Variants in ZRANB3 observed in about 807,000 individuals in gnomAD.
ZRANB3 encodes the protein zinc finger RANBP2-type containing 3, also known as DNA annealing helicase and endonuclease ZRANB3.
ZRANB3 carries 125 observed loss-of-function variants against 133.8 expected under a neutral mutation model. The observed-to-expected ratio is 0.93, with a 90% CI of 0.81 to 1.08. The LOEUF (loss-of-function observed/expected upper bound fraction) is 1.08, where lower values mean the gene tolerates loss of function less well. ZRANB3 is among the 50% of genes least tolerant of loss of function. The pLI is 0.00. For synonymous variants in ZRANB3, 387 were observed against 432.7 expected (o/e 0.89, Z 1.31); for missense variants, 1,229 against 1,275.5 (o/e 0.96, Z 0.56).
chr2:135,416,165 G>A (rs13382972), intron 2 of ZRANB3, among the ~76,000 whole-genome samples: 38,935 of 150,356 alleles, frequency 0.26, 8,488 homozygotes, highest in African/African-American at 0.59. Context: ...AGGAAGTCAA[G>A]TTGTCCCTGT....
intron 2 of ZRANB3, among the ~76,000 whole-genome samples, chr2:135,488,249 T>C (rs1692209765): frequency 6.6e-6 from 1 of 152,168 alleles, no homozygotes. Context: ...ATTATAATAG[T>C]AAACTCAAAG....
chr2:135,479,219 CA>C (rs1691647311), intron 2 of ZRANB3, among the ~76,000 whole-genome samples: 1 of 152,030 alleles, frequency 6.6e-6, no homozygotes, highest in South Asian at 2.1e-4. Flanking sequence ...TTCACCAACG[CA>C]ACTTAATTTT....
intron 2 of ZRANB3, among the ~76,000 whole-genome samples, chr2:135,420,071 T>A (rs1239068558): frequency 7.1e-6 from 1 of 140,094 alleles, no homozygotes; most frequent in Non-Finnish European, 1.5e-5. Flanking sequence ...TTACGTAAGA[T>A]ACATATATAT....
intron 18 of ZRANB3, 104 bp from the exon 19 acceptor site, chr2:135,207,940 A>T (rs1170096054): frequency 9.1e-7 from 1 of 1,101,942 alleles, no homozygotes; most frequent in African/African-American, 1.6e-5. Flanking sequence ...ATAAATAGTA[A>T]ACACAGATCA....
At chr2:135,416,648 C>A (rs1268573453) in intron 2 of ZRANB3, among the ~76,000 whole-genome samples, 1 of 150,166 alleles carries the variant, frequency 6.7e-6, no homozygotes, top group South Asian at 2.1e-4. Context: ...CCCGCATCGC[C>A]AAGTCAATCC....
chr2:135,466,411 TAGA>T lies in ZRANB3; in HGVS notation c.161+37915_161+37917del, dbSNP rs1351565400. ...AAAAAAAAAAAAAAAAAAAAAAAAA[TAGA>T]AGAAGAAGAATAGATGAATAAACTA... On this transcript the variant is annotated intron_variant, in intron 2 of 20. Coordinates refer to ENST00000264159, the MANE Select transcript of ZRANB3 (RefSeq NM_032143.4). Among the ~76,000 whole-genome samples the T allele has an allele frequency of 1.7e-3, 154 of 89,926 alleles. 1 individual carries two copies. The highest frequency in any genetic ancestry group is 4.3e-3 in the African/African-American group (95 of 22,274). The allele number at this position is 89,926 out of a possible 152,430, so 59.0% of individuals were successfully genotyped here. A position where few individuals can be genotyped will look rare whatever the true frequency, so the allele number is the denominator to read the frequency against.
At chr2:135,479,824 A>G (rs1207419831) in intron 2 of ZRANB3, among the ~76,000 whole-genome samples, 1 of 152,202 alleles carries the variant, frequency 6.6e-6, no homozygotes, top group African/African-American at 2.4e-5. Context: ...ACTATTCAGA[A>G]TGCCAAGATA....
rs569438332 is a variant in ZRANB3 at position 135,381,785 on chromosome 2, G to A, written c.180+9017C>T. 1.8e-4 allele frequency among the ~76,000 whole-genome samples: 27 copies of A among 152,314 alleles called. No homozygotes were observed. In the South Asian group the frequency reaches 5.4e-3, roughly 30 times the overall value. On this transcript the variant is annotated intron_variant, in intron 3 of 20. Coordinates refer to ENST00000264159, the MANE Select transcript of ZRANB3 (RefSeq NM_032143.4). Reference sequence around the variant, plus strand: ...CAACAGACCTGCAGCTGAGGGTCCTGACTGTTAGAAGGAAAACTAACAAAC... The same window carrying A: ...CAACAGACCTGCAGCTGAGGGTCCTAACTGTTAGAAGGAAAACTAACAAAC...
intron 1 of ZRANB3, among the ~76,000 whole-genome samples, chr2:135,523,046 T>C (rs991701136): frequency 2.0e-5 from 3 of 152,186 alleles, no homozygotes; most frequent in African/African-American, 4.8e-5. Context: ...ATTTTGGATA[T>C]CTCCAATATC....
At chr2:135,298,137 A>G (rs1682238318) in intron 8 of ZRANB3, among the ~76,000 whole-genome samples, 1 of 152,154 alleles carries the variant, frequency 6.6e-6, no homozygotes, top group African/African-American at 2.4e-5. Flanking sequence ...CTGAGGCATG[A>G]TAATTGCTTG....
intron 15 of ZRANB3, among the ~76,000 whole-genome samples, chr2:135,221,925 C>T (rs1694570909): frequency 6.6e-6 from 1 of 152,090 alleles, no homozygotes; most frequent in Admixed American, 6.5e-5. Flanking sequence ...AAAATCCTAG[C>T]CATCTCCTCC....
intron 12 of ZRANB3, among the ~76,000 whole-genome samples, chr2:135,246,443 T>G (rs939497372): frequency 1.3e-5 from 2 of 152,192 alleles, no homozygotes; most frequent in Non-Finnish European, 1.5e-5. Flanking sequence ...TGTTAGTAGA[T>G]TCACTGATTA....
chr2:135,404,714 T>A (rs969749098), intron 2 of ZRANB3, among the ~76,000 whole-genome samples: 11 of 152,136 alleles, frequency 7.2e-5, no homozygotes, highest in Non-Finnish European at 1.5e-4. Context: ...AGGTGGGGGT[T>A]ACCCACAAAG....
chr2:135,232,319 C>T (rs1037645054), intron 12 of ZRANB3, among the ~76,000 whole-genome samples: 2 of 152,240 alleles, frequency 1.3e-5, no homozygotes, highest in African/African-American at 4.8e-5. Context: ...GAGCCCACCA[C>T]AGCTCAAGGA....
chr2:135,397,307 G>C (rs976155300), intron 2 of ZRANB3, among the ~76,000 whole-genome samples: 1 of 151,894 alleles, frequency 6.6e-6, no homozygotes, highest in African/African-American at 2.4e-5. Flanking sequence ...AACTAGGCAG[G>C]TGTGGTGGTG....
At chr2:135,305,175 G>A (rs1055484974) in intron 8 of ZRANB3, among the ~76,000 whole-genome samples, 13 of 151,998 alleles carry the variant, frequency 8.6e-5, no homozygotes, top group African/African-American at 3.1e-4. Flanking sequence ...ACGGGGTTTC[G>A]CCATGTTTGC....
chr2:135,517,984 T>G (rs1307615048), intron 1 of ZRANB3, among the ~76,000 whole-genome samples: 2 of 152,226 alleles, frequency 1.3e-5, no homozygotes, highest in Admixed American at 6.5e-5. Flanking sequence ...AGAGGCATTC[T>G]GGCTAGAGTG....
intron 3 of ZRANB3, among the ~76,000 whole-genome samples, chr2:135,378,241 C>A (rs894004427): frequency 1.1e-4 from 17 of 152,200 alleles, no homozygotes; most frequent in African/African-American, 3.4e-4. Flanking sequence ...ACCTGTAATC[C>A]CAGCACTTTG....
chr2:135,438,347 A>G (rs933007676), intron 2 of ZRANB3, among the ~76,000 whole-genome samples: 12 of 152,196 alleles, frequency 7.9e-5, no homozygotes, highest in African/African-American at 2.9e-4. Flanking sequence ...TCTACTAAAA[A>G]TAAAAAAATT....
Sources: gnomAD v4.1 joint callset for allele counts (sites outside exome capture counted in the v4.1 genomes callset) on GRCh38, gnomAD v4.1.1 for gene constraint, MANE v1.5 for transcripts, NCBI Gene and HGNC (gene_info 2026-07-23, HGNC 2026-07-21) for gene names.